Variants in FAF2 observed in about 807,000 individuals in gnomAD.
FAF2 encodes the protein FAS-associated factor 2.
A neutral mutation model predicts 62.3 loss-of-function variants in FAF2; 9 were observed. The ratio of observed to expected loss-of-function variants is 0.14; its 90% CI spans 0.09 to 0.25. The LOEUF (loss-of-function observed/expected upper bound fraction) is 0.25. Among genes scored for constraint, FAF2 ranks in the 10% least tolerant of loss-of-function variants. The probability of loss-of-function intolerance (pLI) is 1.00; values close to 1 mark genes in which losing one functional copy is unlikely to be tolerated. For synonymous variants in FAF2, 202 were observed against 198.0 expected (o/e 1.02, Z -0.17); for missense variants, 368 against 556.2 (o/e 0.66, Z 3.40).
chr5:176,497,518 T>C (rs1299410501), intron 8 of FAF2, among the ~76,000 whole-genome samples: 1 of 152,238 alleles, frequency 6.6e-6, no homozygotes, highest in African/African-American at 2.4e-5. Context: ...TCCCTCATCA[T>C]TAAATATTCT....
chr5:176,501,793 A>T (rs1035662858), intron 10 of FAF2, among the ~76,000 whole-genome samples: 1 of 152,002 alleles, frequency 6.6e-6, no homozygotes, highest in Non-Finnish European at 1.5e-5. Context: ...TCGCCTTGTC[A>T]CCCTAGCTGG....
chr5:176,451,877 T>C lies in FAF2; in HGVS notation c.63+3407T>C, dbSNP rs372176013. Among the ~76,000 whole-genome samples, 64 of 17,760 alleles carry C rather than the reference T, an allele frequency of 3.6e-3. 1 individual carries two copies. The highest frequency in any genetic ancestry group is 0.014 in the East Asian group (7 of 500). 11.7% of individuals were successfully genotyped at this position (17,760 alleles called of 152,430 possible). ...ATATACACATATATATATACACACA[T>C]ATATATATATATATATTTTTTTTTT... On this transcript the variant is annotated intron_variant, in intron 1 of 10. Coordinates refer to ENST00000261942, the MANE Select transcript of FAF2 (RefSeq NM_014613.3).
rs1759026025 is a variant in FAF2 at position 176,494,363 on chromosome 5, G to T, written c.661+88G>T. 3 of 1,136,558 alleles carry T rather than the reference G, an allele frequency of 2.6e-6. No homozygotes were observed. The highest frequency in any genetic ancestry group is 1.5e-5 in the African/African-American group (1 of 65,592). The allele number at this position is 1,136,558 out of a possible 1,614,324, so 70.4% of individuals were successfully genotyped here. A position where few individuals can be genotyped will look rare whatever the true frequency, so the allele number is the denominator to read the frequency against. Reference sequence around the variant, plus strand: ...ACATGCCATGCCATTTATTACAAGTGTGTTTGTTCTGTGGTAGATACGACG... The same window carrying T: ...ACATGCCATGCCATTTATTACAAGTTTGTTTGTTCTGTGGTAGATACGACG... On this transcript the variant is annotated intron_variant, in intron 7 of 10. Transcript: ENST00000261942. This position sits in a 1 kb window ranked among gnomAD's most constrained non-coding sequence, Gnocchi z 4.0.
intron 9 of FAF2, 58 bp from the exon 10 acceptor site, chr5:176,499,945 A>G (rs550230248): frequency 3.8e-6 from 6 of 1,591,304 alleles, no homozygotes; most frequent in South Asian, 2.3e-5. Context: ...ATAAAGCTAC[A>G]TGGTCATTGT....
intron 10 of FAF2, 128 bp from the exon 11 acceptor site, chr5:176,506,640 T>C: frequency 1.4e-6 from 1 of 717,608 alleles, no homozygotes; most frequent in South Asian, 2.1e-5. Context: ...ATGTGATTCT[T>C]TCCTATAGAG....
chr5:176,468,022 G>A (rs2963660), intron 1 of FAF2, among the ~76,000 whole-genome samples: 117,916 of 152,008 alleles, frequency 0.78, 45,801 homozygotes, highest in East Asian at 0.82. Context: ...AAAATTAATC[G>A]GGTGTGTTGG....
At chr5:176,475,114 A>G (rs1471323154) in intron 1 of FAF2, among the ~76,000 whole-genome samples, 1 of 151,932 alleles carries the variant, frequency 6.6e-6, no homozygotes, top group Non-Finnish European at 1.5e-5. Context: ...CTCTCCTGCA[A>G]TGTTTATAAC....
At chr5:176,479,590 A>G (rs1382866249) in intron 2 of FAF2, among the ~76,000 whole-genome samples, 1 of 152,172 alleles carries the variant, frequency 6.6e-6, no homozygotes, top group African/African-American at 2.4e-5. Flanking sequence ...GGGGTTGTCT[A>G]GGTAGTCATG....
At chr5:176,456,070 T>C (rs1334772286) in intron 1 of FAF2, among the ~76,000 whole-genome samples, 2 of 152,182 alleles carry the variant, frequency 1.3e-5, no homozygotes, top group Non-Finnish European at 2.9e-5. Context: ...TCATGAAGAC[T>C]GACTGGGTTT....
chr5:176,467,599 C>T (rs1411774732), intron 1 of FAF2, among the ~76,000 whole-genome samples: 9 of 152,190 alleles, frequency 5.9e-5, no homozygotes, highest in Admixed American at 4.6e-4. Flanking sequence ...TGAGCCACCA[C>T]GCCCAGCCAG....
chr5:176,466,468 G>A (rs898255909), intron 1 of FAF2, among the ~76,000 whole-genome samples: 2 of 152,154 alleles, frequency 1.3e-5, no homozygotes, highest in African/African-American at 4.8e-5. Flanking sequence ...CCCGTGCAGC[G>A]TTTGTTAGTA....
intron 1 of FAF2, among the ~76,000 whole-genome samples, chr5:176,466,422 A>G (rs1758469955): frequency 6.6e-6 from 1 of 152,332 alleles, no homozygotes; most frequent in South Asian, 2.1e-4. Flanking sequence ...TGGAATTTAG[A>G]GAGTACTTAA....
chr5:176,451,845 C>CATAT lies in FAF2; in HGVS notation c.63+3376_63+3377insTATA, dbSNP rs1347386022. Among the ~76,000 whole-genome samples the CATAT allele has an allele frequency of 8.8e-4, 34 of 38,848 alleles. 2 individuals are homozygous for CATAT. Among genetic ancestry groups the CATAT allele is most frequent in the African/African-American group, 4.7e-3 (32 of 6,858 alleles). 25.5% of individuals were successfully genotyped at this position (38,848 alleles called of 152,430 possible). Reference sequence around the variant, plus strand: ...ATATATATACATATATATATATACACACATATATATACACATATATATATA... The same window carrying CATAT: ...ATATATATACATATATATATATACACATATACATATATATACACATATATATATA... On this transcript the variant is annotated intron_variant, in intron 1 of 10. Coordinates refer to ENST00000261942, the MANE Select transcript of FAF2 (RefSeq NM_014613.3).
chr5:176,492,963 C>T (rs1561826393), intron 5 of FAF2, among the ~76,000 whole-genome samples: 1 of 152,220 alleles, frequency 6.6e-6, no homozygotes, highest in Non-Finnish European at 1.5e-5. Flanking sequence ...TAGCACATCT[C>T]ATTCAACCTC....
At chr5:176,448,941 T>C (rs528079991) in intron 1 of FAF2, among the ~76,000 whole-genome samples, 3 of 152,204 alleles carry the variant, frequency 2.0e-5, no homozygotes, top group African/African-American at 7.2e-5. Flanking sequence ...GGTTTCGTGT[T>C]GGGGGTTCCG....
intron 4 of FAF2, among the ~76,000 whole-genome samples, chr5:176,489,386 T>A (rs1353448755): frequency 1.3e-5 from 2 of 151,096 alleles, no homozygotes; most frequent in Non-Finnish European, 2.9e-5. Flanking sequence ...TTCACACTCC[T>A]TAGAACTTTC....
Position 176,509,011 on chromosome 5 carries a change from T to C in FAF2, c.*2061T>C, listed in dbSNP as rs1307859403. The C allele has an allele frequency of 6.6e-6, 1 of 152,242 alleles. No homozygotes were observed. The highest frequency in any genetic ancestry group is 1.5e-5 in the Non-Finnish European group (1 of 68,054). The allele number at this position is 152,242 out of a possible 1,614,324, so 9.4% of individuals were successfully genotyped here. Reference sequence around the variant, plus strand: ...TCTTCTTATTCTACAGTGTGCACTTTATGCCTCTCGCCTTTTGATAATAGT... The same window carrying C: ...TCTTCTTATTCTACAGTGTGCACTTCATGCCTCTCGCCTTTTGATAATAGT... On this transcript the variant is annotated 3_prime_UTR_variant, in exon 11 of 11. Transcript: ENST00000261942.
At chr5:176,457,403 C>T (rs537431055) in intron 1 of FAF2, among the ~76,000 whole-genome samples, 51 of 152,088 alleles carry the variant, frequency 3.4e-4, no homozygotes, top group Non-Finnish European at 6.0e-4. Flanking sequence ...GTTGGGCAGG[C>T]TGGTCTCGAA....
chr5:176,470,242 G>C (rs567120518), intron 1 of FAF2, among the ~76,000 whole-genome samples: 1 of 152,336 alleles, frequency 6.6e-6, no homozygotes. Flanking sequence ...CCACCACAGG[G>C]TAGCCTCTCA....
Sources: allele counts gnomAD v4.1 joint callset (sites outside exome capture counted in the v4.1 genomes callset), GRCh38; gene constraint gnomAD v4.1.1; non-coding constraint Gnocchi (gnomAD v3.1); transcripts MANE v1.5; gene names NCBI Gene and HGNC (gene_info 2026-07-23, HGNC 2026-07-21).